Variants in SINHCAF observed in about 807,000 individuals in gnomAD.
The protein encoded by SINHCAF is SIN3-HDAC complex associated factor.
A neutral mutation model predicts 25.8 loss-of-function variants in SINHCAF; 3 were observed. The ratio of observed to expected loss-of-function variants is 0.12; its 90% CI spans 0.05 to 0.30. SINHCAF has a LOEUF of 0.30. Ranked by LOEUF, SINHCAF falls within the 10% of genes least tolerant of loss-of-function variation. SINHCAF has a pLI of 1.00. For missense variants in SINHCAF, 121 were observed against 262.3 expected, an observed-to-expected ratio of 0.46 and a Z score of 3.72; for synonymous variants, 70 against 85.5, an observed-to-expected ratio of 0.82 and a Z score of 1.00.
At chr12:31,292,951 G>A (rs765664889) in intron 4 of SINHCAF, among the ~76,000 whole-genome samples, 22 of 152,034 alleles carry the variant, frequency 1.4e-4, no homozygotes, top group Non-Finnish European at 2.6e-4. Flanking sequence ...ACCCCTAGCC[G>A]CAATTCTGAG....
chr12:31,305,048 T>G (rs1565498082), intron 1 of SINHCAF: 1 of 152,226 alleles, frequency 6.6e-6, no homozygotes, highest in Non-Finnish European at 1.5e-5. Flanking sequence ...TCGTCCTGGT[T>G]TCAGGGTTGA....
chr12:31,294,974 C>G (rs953070598), intron 3 of SINHCAF, among the ~76,000 whole-genome samples: 8 of 152,046 alleles, frequency 5.3e-5, no homozygotes, highest in African/African-American at 1.9e-4. Flanking sequence ...CTGAGTTAAG[C>G]CTAAAAACAG....
At chr12:31,312,395 T>C (rs903654518) in intron 1 of SINHCAF, among the ~76,000 whole-genome samples, 1 of 110,594 alleles carries the variant, frequency 9.0e-6, no homozygotes, top group African/African-American at 2.7e-5. Flanking sequence ...TTTCTAGGAA[T>C]AGAACTGCTG....
At chr12:31,315,612 G>C (rs1939466131) in intron 1 of SINHCAF, among the ~76,000 whole-genome samples, 1 of 152,200 alleles carries the variant, frequency 6.6e-6, no homozygotes, top group Non-Finnish European at 1.5e-5. Flanking sequence ...CTATTTATGG[G>C]AGTTTGTAAC....
At position 31,284,828 on chromosome 12, in the gene SINHCAF, A is replaced by G. The variant is rs184866825; in HGVS notation, c.507-1957T>C. On this transcript the variant is annotated intron_variant, in intron 5 of 5. Transcript: ENST00000337682. ...GGTTTATTTTTCTATTCCTAGTCCCAAAACACATTAATTACCATGGCTTCA... is the reference window on the plus strand; with the variant it reads ...GGTTTATTTTTCTATTCCTAGTCCCGAAACACATTAATTACCATGGCTTCA... Among the ~76,000 whole-genome samples the G allele has an allele frequency of 2.7e-3, 411 of 152,312 alleles. 2 individuals carry two copies. Among genetic ancestry groups the G allele is most frequent in the African/African-American group, 9.3e-3 (385 of 41,570 alleles).
At chr12:31,298,803 ACTG>A (rs1190837925) in intron 1 of SINHCAF, among the ~76,000 whole-genome samples, 4 of 152,224 alleles carry the variant, frequency 2.6e-5, no homozygotes, top group Admixed American at 6.5e-5. Flanking sequence ...CTGAATTGAA[ACTG>A]CTGAAGGGAA....
intron 1 of SINHCAF, among the ~76,000 whole-genome samples, chr12:31,322,165 T>G (rs976333998): frequency 6.6e-6 from 1 of 152,202 alleles, no homozygotes; most frequent in African/African-American, 2.4e-5. Context: ...AGTAGAGACC[T>G]TGTCTGTGGG....
At chr12:31,313,690 C>T (rs1286771453) in intron 1 of SINHCAF, among the ~76,000 whole-genome samples, 3 of 152,012 alleles carry the variant, frequency 2.0e-5, no homozygotes, top group African/African-American at 7.2e-5. Flanking sequence ...CTCTTGTTGC[C>T]CAGGCTGGAG....
chr12:31,300,030 T>C (rs142780587), intron 1 of SINHCAF, among the ~76,000 whole-genome samples: 2 of 152,380 alleles, frequency 1.3e-5, no homozygotes, highest in Admixed American at 1.3e-4. Context: ...AGTCTGTGGT[T>C]GACCGAAACG....
intron 5 of SINHCAF, 43 bp downstream of exon 5, chr12:31,287,591 T>C (rs760186413): frequency 6.8e-7 from 1 of 1,476,752 alleles, no homozygotes; most frequent in Non-Finnish European, 9.2e-7. Flanking sequence ...CTGCCCATAA[T>C]TAAGATGGTT....
In SINHCAF at chr12:31,303,482, A is replaced by AT. The variant is rs77618591; in HGVS notation, c.-20-5259dup. ...ACCATAATGGGCGGGGAGGGTGTTA[A>AT]TTTTTTTTTTTTATCAAGATAGGGT... On this transcript the variant is annotated intron_variant, in intron 1 of 5. Coordinates refer to ENST00000337682, the MANE Select transcript of SINHCAF (RefSeq NM_001135812.2). The AT allele has an allele frequency of 9.9e-4, 146 of 147,376 alleles. 1 individual carries two copies. The highest frequency in any genetic ancestry group is 2.5e-3 in the Admixed American group (36 of 14,680). The allele number at this position is 147,376 out of a possible 1,614,324, so 9.1% of individuals were successfully genotyped here.
At chr12:31,286,662 C>CAAA (rs999169211) in intron 5 of SINHCAF, among the ~76,000 whole-genome samples, 884 of 55,194 alleles carry the variant, frequency 0.016, 13 homozygotes, top group African/African-American at 0.05. Context: ...AACTCCGTCT[C>CAAA]AAAAAAAAAA....
chr12:31,285,969 T>C (rs1019496340), intron 5 of SINHCAF, among the ~76,000 whole-genome samples: 2 of 147,498 alleles, frequency 1.4e-5, no homozygotes, highest in African/African-American at 5.1e-5. Flanking sequence ...AGTGAAACTC[T>C]GTCTCAAAAA....
chr12:31,312,062 G>A (rs1939291264), intron 1 of SINHCAF: 2 of 528,978 alleles, frequency 3.8e-6, no homozygotes, highest in Admixed American at 2.1e-5. Flanking sequence ...GCAGTCTACA[G>A]GTGTCATCCC....
At chr12:31,320,369 CT>C (rs1939652598) in intron 1 of SINHCAF, among the ~76,000 whole-genome samples, 1 of 152,226 alleles carries the variant, frequency 6.6e-6, no homozygotes, top group African/African-American at 2.4e-5. Flanking sequence ...GGGAAATTCT[CT>C]TAAGAATTAC....
chr12:31,323,670 A>G (rs1326560603), intron 1 of SINHCAF, among the ~76,000 whole-genome samples: 1 of 152,082 alleles, frequency 6.6e-6, no homozygotes, highest in Admixed American at 6.5e-5. Context: ...CCTACACCAA[A>G]ACAAACCTTG....
chr12:31,321,580 A>C (rs1939695039), intron 1 of SINHCAF, among the ~76,000 whole-genome samples: 1 of 152,220 alleles, frequency 6.6e-6, no homozygotes, highest in South Asian at 2.1e-4. Flanking sequence ...TAAAATAGGT[A>C]TTACTACCAT....
Position 31,326,098 on chromosome 12 carries a change from G to A in SINHCAF, c.-95C>T, listed in dbSNP as rs1939966695. The A allele has an allele frequency of 6.6e-6, 1 of 152,290 alleles. No homozygotes were observed. The highest frequency in any genetic ancestry group is 1.5e-5 in the Non-Finnish European group (1 of 68,118). The allele number at this position is 152,290 out of a possible 1,614,324, so 9.4% of individuals were successfully genotyped here. A position where few individuals can be genotyped will look rare whatever the true frequency, so the allele number is the denominator to read the frequency against. On this transcript the variant is annotated 5_prime_UTR_variant, in exon 1 of 6. Coordinates refer to ENST00000337682, the MANE Select transcript of SINHCAF (RefSeq NM_001135812.2). ...TGCACGCCAGGCCAGTCCCCCTCAA[G>A]CGCTCCCTCCTCCTCAACTGCCTTG...
intron 1 of SINHCAF, among the ~76,000 whole-genome samples, chr12:31,318,683 T>G (rs1392745853): frequency 2.0e-5 from 3 of 151,042 alleles, no homozygotes; most frequent in African/African-American, 7.3e-5. Flanking sequence ...AAACTAGGTC[T>G]CCCAATTCTA....
Sources: allele counts gnomAD v4.1 joint callset (sites outside exome capture counted in the v4.1 genomes callset), GRCh38; gene constraint gnomAD v4.1.1; transcripts MANE v1.5; gene names NCBI Gene and HGNC (gene_info 2026-07-23, HGNC 2026-07-21).